PIK3R1: variants seen among roughly 807,000 people sequenced by gnomAD.
PIK3R1 encodes phosphatidylinositol 3-kinase regulatory subunit alpha.
A neutral mutation model predicts 98.0 loss-of-function variants in PIK3R1; 29 were observed. The observed-to-expected ratio is 0.30, with a 90% CI of 0.22 to 0.40. PIK3R1 has a LOEUF of 0.40. Ranked by LOEUF, PIK3R1 falls within the 10% of genes least tolerant of loss-of-function variation. PIK3R1 has a pLI of 1.00. For synonymous variants in PIK3R1, 282 were observed against 311.8 expected (o/e 0.90, Z 1.01); for missense variants, 596 against 872.7 (o/e 0.68, Z 3.99).
rs1324419023 is a variant in PIK3R1, at chr5:68,226,994, G to A, written c.319G>A (p.Asp107Asn). 1 of 1,611,744 alleles carries A rather than the reference G, an allele frequency of 6.2e-7. No individual in the cohort carries two copies. Among genetic ancestry groups the A allele is most frequent in the African/African-American group, 1.3e-5 (1 of 74,642 alleles). Reference protein sequence around the residue: ...VAPGSSKTEADVEQQALTLPD... With the variant: ...VAPGSSKTEANVEQQALTLPD... ...ACCAGGTTCTTCGAAAACTGAAGCA[G>A]ATGTTGAACAACAAGGTCAGTATTG... The change falls in exon 2 of 16, where the codon GAT becomes AAT. Residue 107 changes from aspartate to asparagine, a missense_variant. By Grantham distance (23) the Asp-to-Asn change is conservative (BLOSUM62 1). Coordinates refer to ENST00000521381, the MANE Select transcript of PIK3R1 (RefSeq NM_181523.3).
chr5:68,288,041 C>G (rs1053970459), intron 7 of PIK3R1, among the ~76,000 whole-genome samples: 4 of 152,106 alleles, frequency 2.6e-5, no homozygotes, highest in African/African-American at 9.7e-5. Flanking sequence ...TGGGTTGTTC[C>G]AAGAGGTTCA....
intron 3 of PIK3R1, 70 bp from the exon 4 acceptor site, chr5:68,273,869 C>T (rs1746464983): frequency 8.6e-7 from 1 of 1,163,376 alleles, no homozygotes; most frequent in Non-Finnish European, 1.3e-6. Flanking sequence ...ATGTCTCTGG[C>T]AGCAGCCTCA....
chr5:68,220,909 C>T (rs534377320), intron 1 of PIK3R1, among the ~76,000 whole-genome samples: 1 of 152,338 alleles, frequency 6.6e-6, no homozygotes, highest in East Asian at 1.9e-4. Flanking sequence ...TTACTAGGTG[C>T]TCTGGGTTGA....
intron 4 of PIK3R1, among the ~76,000 whole-genome samples, chr5:68,274,488 C>G (rs1200938448): frequency 6.6e-6 from 1 of 152,066 alleles, no homozygotes; most frequent in Non-Finnish European, 1.5e-5. Context: ...TTCTGGCTTG[C>G]CTTCTTTCTT....
At chr5:68,263,634 G>A (rs1746001132) in intron 2 of PIK3R1, among the ~76,000 whole-genome samples, 1 of 152,074 alleles carries the variant, frequency 6.6e-6, no homozygotes, top group Admixed American at 6.6e-5. Context: ...TTACACAATT[G>A]TTAAGGATTG....
At chr5:68,238,868 G>A (rs1744768843) in intron 2 of PIK3R1, among the ~76,000 whole-genome samples, 1 of 151,888 alleles carries the variant, frequency 6.6e-6, no homozygotes, top group Non-Finnish European at 1.5e-5. Flanking sequence ...ATATGTTTGG[G>A]CATTTCTATT....
chr5:68,279,347 AG>A (rs988885236), intron 4 of PIK3R1, among the ~76,000 whole-genome samples: 1 of 152,182 alleles, frequency 6.6e-6, no homozygotes, highest in Non-Finnish European at 1.5e-5. Context: ...CATCATGGGC[AG>A]GGGGTCAGGC....
At position 68,280,485 on chromosome 5, in the gene PIK3R1, G is replaced by A. The variant is rs1398739059; in HGVS notation, c.635-43G>A. The A allele has an allele frequency of 3.0e-6, 4 of 1,341,502 alleles. No individual in the cohort carries two copies. In the South Asian group the frequency reaches 5.0e-5, roughly 17 times the overall value. The allele number at this position is 1,341,502 out of a possible 1,614,324, so 83.1% of individuals were successfully genotyped here. The stretch of plus-strand genomic sequence containing the variant: ...GTTTATTCACTGATACCTGGAAGTA[G>A]TCGCTTACTCATTTCTCTTTTTTTT... On this transcript the variant is annotated intron_variant, in intron 5 of 15. Coordinates refer to ENST00000521381, the MANE Select transcript of PIK3R1 (RefSeq NM_181523.3).
chr5:68,289,759 CAAAA>C (rs71305021), intron 7 of PIK3R1, among the ~76,000 whole-genome samples: 1,471 of 51,882 alleles, frequency 0.028, 10 homozygotes, highest in African/African-American at 0.083. Context: ...GGGGGAAAAG[CAAAA>C]AAAAAAAAAA....
chr5:68,260,725 C>T lies in PIK3R1; in HGVS notation c.335-12665C>T, dbSNP rs1278290137. On this transcript the variant is annotated intron_variant, in intron 2 of 15. Transcript: ENST00000521381. The stretch of plus-strand genomic sequence containing the variant: ...AAATGACTAGGGCAGTGACAGTTCA[C>T]CTCTCTCTCTTCATATTGCTCTCAA... Among the ~76,000 whole-genome samples, 23 of 152,110 alleles carry T rather than the reference C, an allele frequency of 1.5e-4. 1 individual carries two copies. The highest frequency in any genetic ancestry group is 1.3e-4 in the Admixed American group (2 of 15,260).
In PIK3R1 at chr5:68,296,061, C is replaced by T. The variant is rs1291297352; in HGVS notation, c.1815-110C>T. The T allele has an allele frequency of 4.8e-5, 50 of 1,049,524 alleles. No individual in the cohort carries two copies. The Admixed American group carries it at 1.0e-3, about 22-fold the overall frequency. The allele number at this position is 1,049,524 out of a possible 1,614,324, so 65.0% of individuals were successfully genotyped here. A position where few individuals can be genotyped will look rare whatever the true frequency, so the allele number is the denominator to read the frequency against. Reference sequence around the variant, plus strand: ...GGCATGTGATGGCCAGTCTGACTGGCTTGGTAGGGGCCAGGAGGGAAGTGA... The same window carrying T: ...GGCATGTGATGGCCAGTCTGACTGGTTTGGTAGGGGCCAGGAGGGAAGTGA... On this transcript the variant is annotated intron_variant, in intron 14 of 15. Coordinates refer to ENST00000521381, the MANE Select transcript of PIK3R1 (RefSeq NM_181523.3).
rs1747955307 is a variant in PIK3R1, at chr5:68,300,062, TATA to T, written c.*2463_*2465del. 2 of 233,246 alleles carry T rather than the reference TATA, an allele frequency of 8.6e-6. No individual in the cohort carries two copies. The highest frequency in any genetic ancestry group is 1.8e-4 in the South Asian group (1 of 5,532). The allele number at this position is 233,246 out of a possible 1,614,324, so 14.4% of individuals were successfully genotyped here. On this transcript the variant is annotated 3_prime_UTR_variant, in exon 16 of 16. Coordinates refer to ENST00000521381, the MANE Select transcript of PIK3R1 (RefSeq NM_181523.3). ...TACATACAAATTTTTATTTCTAAAA[TATA>T]AGATCTGAGATTGAATATTTTCATT...
chr5:68,279,789 C>T (rs1746748068), intron 5 of PIK3R1, 56 bp downstream of exon 5: 1 of 1,541,534 alleles, frequency 6.5e-7, no homozygotes. Context: ...TGTAGAGGTG[C>T]TTGTATATGT....
intron 2 of PIK3R1, among the ~76,000 whole-genome samples, chr5:68,250,553 A>C (rs1319834782): frequency 6.6e-6 from 1 of 152,196 alleles, no homozygotes; most frequent in East Asian, 1.9e-4. Flanking sequence ...TGTCACCAAA[A>C]CATGCCCGTT....
intron 1 of PIK3R1, among the ~76,000 whole-genome samples, chr5:68,216,424 G>A (rs1433623902): frequency 6.6e-6 from 1 of 152,186 alleles, no homozygotes; most frequent in Non-Finnish European, 1.5e-5. Context: ...CTGCAGCCAG[G>A]GTCGCTGCCC....
rs771365361 is a variant in PIK3R1 at position 68,280,935 on chromosome 5, A to T, written c.845A>T (p.Asn282Ile). Residue 282 changes from asparagine to isoleucine, a missense_variant, in exon 7 of 16, where the codon AAT becomes ATT. Transcript: ENST00000521381. ...AACTCTCTTTCTTACAGCTCTGATA[A>T]TACTGAAAACCTCATAAAAGTTATA... ...LFRFSAASSD[N>I]TENLIKVIEI... is the part of the protein sequence containing the mutation. 1.3e-6 allele frequency: 2 copies of T among 1,588,712 alleles called. No homozygotes were observed. The highest frequency in any genetic ancestry group is 1.7e-6 in the Non-Finnish European group (2 of 1,163,410).
At chr5:68,283,039 A>G (rs528389352) in intron 7 of PIK3R1, among the ~76,000 whole-genome samples, 4 of 152,370 alleles carry the variant, frequency 2.6e-5, no homozygotes, top group South Asian at 4.1e-4. Context: ...AATGACTGCT[A>G]TGGCAGCCTG....
intron 2 of PIK3R1, among the ~76,000 whole-genome samples, chr5:68,248,095 A>G (rs2112055143): frequency 6.6e-6 from 1 of 151,814 alleles, no homozygotes; most frequent in Non-Finnish European, 1.5e-5. Context: ...GGGTTCAAGC[A>G]ATTCTCCTGC....
intron 7 of PIK3R1, among the ~76,000 whole-genome samples, chr5:68,282,819 T>C (rs1202883015): frequency 6.6e-6 from 1 of 152,226 alleles, no homozygotes; most frequent in Non-Finnish European, 1.5e-5. Context: ...TCCCAGTATT[T>C]ATGTGGCCTC....
Sources: allele counts gnomAD v4.1 joint callset (sites outside exome capture counted in the v4.1 genomes callset), GRCh38; gene constraint gnomAD v4.1.1; transcripts MANE v1.5; gene names NCBI Gene and HGNC (gene_info 2026-07-23, HGNC 2026-07-21).